The following CKAP5 variants were observed in gnomAD, a reference collection of about 807,000 sequenced individuals.
The protein encoded by CKAP5 is cytoskeleton associated protein 5.
In CKAP5, 27 loss-of-function variants were observed where a neutral mutation model predicts 232.8. The ratio of observed to expected loss-of-function variants is 0.12; its 90% confidence interval spans 0.09 to 0.16. The LOEUF is 0.16. CKAP5 is among the 10% of genes least tolerant of loss of function. The pLI, the probability that CKAP5 is intolerant of heterozygous loss-of-function variation, is 1.00. For synonymous variants in CKAP5, 785 were observed against 841.1 expected (o/e 0.93, Z 1.16); for missense variants, 1,838 against 2,424.7 (o/e 0.76, Z 5.08).
At chr11:46,798,273 T>TAA in intron 9 of CKAP5, 101 bp from the exon 10 acceptor site, 1 of 865,892 alleles carries the variant, frequency 1.2e-6, no homozygotes, top group Non-Finnish European at 1.8e-6. Flanking sequence ...TATGCTAAGT[T>TAA]AAAAAAAAAG....
rs1381964658 is a variant in CKAP5, at chr11:46,751,192, G to A, written c.5386C>T (p.Arg1796Trp). The A allele has an allele frequency of 8.7e-6, 14 of 1,614,074 alleles. No homozygotes were observed. The highest frequency in any genetic ancestry group is 1.2e-5 in the Non-Finnish European group (14 of 1,180,026). ...NESELEAHLC[R>W]MMKHSMDQTG... ...TGGTCCATACTGTGCTTCATCATCC[G>A]GCAGAGATGGGCCTCCAGCTCAGAC... Residue 1796 changes from arginine to tryptophan, a missense_variant, in exon 40 of 44, where the codon CGG (arginine) becomes TGG (tryptophan). Arg to Trp is a moderately radical substitution (Grantham distance 101). This residue lies in a region of CKAP5 where 579 missense variants were observed against 843.2 expected (regional missense o/e 0.69). Transcript: ENST00000529230.
chr11:46,772,391 C>T (rs1278599944), intron 24 of CKAP5, among the ~76,000 whole-genome samples: 1 of 152,056 alleles, frequency 6.6e-6, no homozygotes, highest in African/African-American at 2.4e-5. Flanking sequence ...AGCCTCCCAT[C>T]CTGGAGATTT....
At chr11:46,811,215 C>T (rs745470380) in intron 4 of CKAP5, 37 bp from the exon 5 acceptor site, 2 of 1,522,352 alleles carry the variant, frequency 1.3e-6, no homozygotes, top group African/African-American at 2.8e-5. Context: ...TGTCAACGTG[C>T]AATGCAATTA....
intron 9 of CKAP5, 77 bp downstream of exon 9, chr11:46,801,123 T>TG: frequency 9.8e-7 from 1 of 1,019,188 alleles, no homozygotes. Context: ...AGGAGTTGTT[T>TG]TAAAGCAAAC....
intron 2 of CKAP5, among the ~76,000 whole-genome samples, chr11:46,818,896 T>C (rs1447373348): frequency 6.6e-6 from 1 of 152,174 alleles, no homozygotes; most frequent in Admixed American, 6.5e-5. Context: ...TTTTGTATAA[T>C]CATTAGGTAG....
Position 46,754,376 on chromosome 11 carries a change from C to T in CKAP5, c.4869+512G>A, listed in dbSNP as rs540617681. On this transcript the variant is annotated intron_variant, in intron 36 of 43. Transcript: ENST00000529230. ...TCTGGCTAGTTGGTGTCATTAAGTC[C>T]ACCCTTTTAGCCCCAGTTTAAGAAA... Among the ~76,000 whole-genome samples, 307 of 152,240 alleles carry T rather than the reference C, an allele frequency of 2.0e-3. 1 individual carries two copies. Among genetic ancestry groups the T allele is most frequent in the Middle Eastern group, 6.8e-3 (2 of 294 alleles).
intron 1 of CKAP5, among the ~76,000 whole-genome samples, chr11:46,836,740 T>G (rs906485078): frequency 2.2e-4 from 34 of 152,158 alleles, no homozygotes; most frequent in African/African-American, 8.0e-4. Flanking sequence ...CTATAACTAG[T>G]CTTACCATAT....
intron 32 of CKAP5, 82 bp downstream of exon 32, chr11:46,761,918 T>G: frequency 1.7e-6 from 2 of 1,156,380 alleles, no homozygotes; most frequent in Non-Finnish European, 1.3e-6. Context: ...TAGCTACAGT[T>G]GAGAGGACAG....
chr11:46,811,331 T>C (rs1052970399), intron 4 of CKAP5, among the ~76,000 whole-genome samples, 153 bp from the exon 5 acceptor site: 10 of 152,326 alleles, frequency 6.6e-5, no homozygotes, highest in African/African-American at 2.4e-4. Context: ...AAGGAACTCA[T>C]AACTGCTTAC....
chr11:46,814,551 G>A (rs556263518), intron 4 of CKAP5, among the ~76,000 whole-genome samples: 3 of 152,232 alleles, frequency 2.0e-5, no homozygotes, highest in South Asian at 2.1e-4. Context: ...TCTTCATTCC[G>A]TGAGGATTTT....
At position 46,750,623 on chromosome 11, in the gene CKAP5, A is replaced by G. The variant is rs762345259; in HGVS notation, c.5461-12T>C. On this transcript the variant is annotated splice_polypyrimidine_tract_variant and intron_variant, in intron 40 of 43. Transcript: ENST00000529230. ...GATGATTTTTCATCCTGAAAAGTTG[A>G]AAGACATAGGAAGAATTGGTTAGAC... is the stretch of plus-strand genomic sequence containing the variant. 3.1e-6 allele frequency: 5 copies of G among 1,603,272 alleles called. No homozygotes were observed. The highest frequency in any genetic ancestry group is 3.4e-6 in the Non-Finnish European group (4 of 1,172,046).
chr11:46,834,693 G>A (rs1939876892), intron 1 of CKAP5, among the ~76,000 whole-genome samples: 1 of 152,038 alleles, frequency 6.6e-6, no homozygotes, highest in Non-Finnish European at 1.5e-5. Flanking sequence ...ATGCTATTTG[G>A]TGATATTCAA....
intron 32 of CKAP5, among the ~76,000 whole-genome samples, chr11:46,761,075 C>G (rs1293600292): frequency 6.6e-6 from 1 of 151,718 alleles, no homozygotes; most frequent in Non-Finnish European, 1.5e-5. Context: ...ATGGTGAAAC[C>G]CCATCTATAC....
intron 13 of CKAP5, 131 bp downstream of exon 13, chr11:46,795,463 C>T: frequency 5.9e-6 from 4 of 682,278 alleles, no homozygotes; most frequent in South Asian, 5.0e-5. Flanking sequence ...TCTTCATTAA[C>T]AGATTTTCTG....
At chr11:46,745,824 C>T (rs982921357) in intron 42 of CKAP5, among the ~76,000 whole-genome samples, 3 of 152,114 alleles carry the variant, frequency 2.0e-5, no homozygotes, top group Admixed American at 2.0e-4. Flanking sequence ...TGGTGGCACA[C>T]ACCTATAATC....
In CKAP5 at chr11:46,762,780, TA is replaced by T; in HGVS notation, c.3892-19del. 1 of 1,612,210 alleles carries T rather than the reference TA, an allele frequency of 6.2e-7. No individual in the cohort carries two copies. Among genetic ancestry groups the T allele is most frequent in the Non-Finnish European group, 8.5e-7 (1 of 1,178,620 alleles). The stretch of plus-strand genomic sequence containing the variant: ...TCTCCAACCTAGTCGATAAGGAAAA[TA>T]ATGATTAAGTGAGGCATTTCCTAAG... On this transcript the variant is annotated intron_variant, in intron 30 of 43. Coordinates refer to ENST00000529230, the MANE Select transcript of CKAP5 (RefSeq NM_001008938.4).
intron 8 of CKAP5, among the ~76,000 whole-genome samples, chr11:46,802,634 T>C (rs1939060624): frequency 6.6e-6 from 1 of 152,026 alleles, no homozygotes; most frequent in South Asian, 2.1e-4. Flanking sequence ...TGCTTTATTT[T>C]TAAATGCCCC....
intron 13 of CKAP5, 53 bp from the exon 14 acceptor site, chr11:46,790,636 G>T: frequency 8.0e-7 from 1 of 1,256,608 alleles, no homozygotes; most frequent in African/African-American, 1.5e-5. Context: ...TTAAAATAGT[G>T]GAGTTTTTTA....
intron 28 of CKAP5, 38 bp from the exon 29 acceptor site, chr11:46,763,668 T>A: frequency 2.1e-6 from 3 of 1,440,964 alleles, no homozygotes; most frequent in Non-Finnish European, 2.8e-6. Context: ...CTACAGGGTG[T>A]TCAACTGAAA....
Sources: gnomAD v4.1 joint callset for allele counts (sites outside exome capture counted in the v4.1 genomes callset) on GRCh38, gnomAD v4.1.1 for gene constraint, gnomAD v4.1.1 regional missense constraint, MANE v1.5 for transcripts, NCBI Gene and HGNC (gene_info 2026-07-23, HGNC 2026-07-21) for gene names.